The following EFCAB11 variants were observed in gnomAD, a reference collection of about 807,000 sequenced individuals.
The protein encoded by EFCAB11 is EF-hand calcium-binding domain-containing protein 11.
A neutral mutation model predicts 23.0 loss-of-function variants in EFCAB11; 14 were observed. The ratio of observed to expected loss-of-function variants is 0.61; its 90% confidence interval spans 0.40 to 0.95. The LOEUF (loss-of-function observed/expected upper bound fraction) is 0.95. EFCAB11 is among the 40% of genes least tolerant of loss of function. EFCAB11 has a pLI of 0.00. For synonymous variants in EFCAB11, 65 were observed against 66.6 expected (o/e 0.98, Z 0.11); for missense variants, 198 against 195.8 (o/e 1.01, Z -0.07).
At chr14:89,817,440 G>A (rs1374509337) in intron 5 of EFCAB11, among the ~76,000 whole-genome samples, 2 of 152,166 alleles carry the variant, frequency 1.3e-5, no homozygotes, top group African/African-American at 4.8e-5. Context: ...AGGATCACTT[G>A]AGCCCAGGAG....
chr14:89,931,409 A>G (rs186452828), intron 5 of EFCAB11, 132 bp downstream of exon 5: 78 of 811,074 alleles, frequency 9.6e-5, no homozygotes, highest in Non-Finnish European at 1.4e-4. Flanking sequence ...CTGGACCATG[A>G]CACTATGCTG....
chr14:89,940,839 T>C (rs1467346102), intron 3 of EFCAB11, among the ~76,000 whole-genome samples: 1 of 152,202 alleles, frequency 6.6e-6, no homozygotes, highest in African/African-American at 2.4e-5. Flanking sequence ...AGTGGGACAA[T>C]GCTCATTCAG....
chr14:89,909,123 C>T (rs1475225369), intron 5 of EFCAB11, among the ~76,000 whole-genome samples: 2 of 152,144 alleles, frequency 1.3e-5, no homozygotes, highest in Non-Finnish European at 2.9e-5. Context: ...TGAGATGAAC[C>T]CTCATGCTAA....
chr14:89,951,687 C>T (rs1793506103), intron 2 of EFCAB11, among the ~76,000 whole-genome samples: 1 of 151,190 alleles, frequency 6.6e-6, no homozygotes, highest in Non-Finnish European at 1.5e-5. Context: ...GTGGGCGGAT[C>T]ACTTGAGGTC....
rs568873135 is a variant in EFCAB11, at chr14:89,841,361, G to C, written c.411-44037C>G. ...ACTGCCTCCTTCCCATTGAGTGAAA[G>C]TAATCTCAACCTCCCTCTCTCCCCA... On this transcript the variant is annotated intron_variant, in intron 5 of 5. Coordinates refer to ENST00000316738, the MANE Select transcript of EFCAB11 (RefSeq NM_145231.4). Among the ~76,000 whole-genome samples the C allele has an allele frequency of 2.8e-4, 43 of 151,740 alleles. 1 individual carries two copies. The South Asian group carries it at 8.8e-3, about 31-fold the overall frequency.
chr14:89,943,046 G>A (rs1890845010), intron 3 of EFCAB11, among the ~76,000 whole-genome samples: 1 of 152,126 alleles, frequency 6.6e-6, no homozygotes, highest in African/African-American at 2.4e-5. Context: ...ATGTGAGTCT[G>A]ACCTTGCCCT....
chr14:89,937,517 A>C (rs887291125), intron 3 of EFCAB11, among the ~76,000 whole-genome samples: 3 of 151,960 alleles, frequency 2.0e-5, no homozygotes, highest in African/African-American at 7.2e-5. Flanking sequence ...GACTCTCTTC[A>C]TGTTCTATAA....
At chr14:89,864,132 C>T (rs568812833) in intron 5 of EFCAB11, among the ~76,000 whole-genome samples, 1 of 152,166 alleles carries the variant, frequency 6.6e-6, no homozygotes, top group African/African-American at 2.4e-5. Flanking sequence ...TTATGGAATT[C>T]CATCCCCAAC....
intron 5 of EFCAB11, among the ~76,000 whole-genome samples, chr14:89,834,375 CAAAAAAAAAAAAA>C (rs5810476): frequency 9.2e-5 from 3 of 32,436 alleles, no homozygotes; most frequent in East Asian, 1.2e-3. Context: ...GACTCCGTCT[CAAAAAAAAAAAAA>C]AAAAAAAAAA....
chr14:89,923,213 A>T (rs899982945), intron 5 of EFCAB11: 4 of 152,214 alleles, frequency 2.6e-5, no homozygotes, highest in Admixed American at 1.3e-4. Flanking sequence ...ATCAAAATCA[A>T]TTAAGAACCC....
intron 5 of EFCAB11, among the ~76,000 whole-genome samples, chr14:89,860,181 T>C (rs984404032): frequency 2.6e-5 from 4 of 152,178 alleles, no homozygotes; most frequent in Admixed American, 1.3e-4. Context: ...CTGGCCAACA[T>C]GGTAAAACTC....
At chr14:89,827,643 T>TC (rs1199395005) in intron 5 of EFCAB11, among the ~76,000 whole-genome samples, 1 of 149,238 alleles carries the variant, frequency 6.7e-6, no homozygotes, top group African/African-American at 2.5e-5. Flanking sequence ...TTTTTTTTTT[T>TC]TTTTTTTGAG....
intron 5 of EFCAB11, among the ~76,000 whole-genome samples, chr14:89,825,762 A>C (rs1886671454): frequency 6.6e-6 from 1 of 152,174 alleles, no homozygotes; most frequent in Admixed American, 6.6e-5. Context: ...GAAAGAGAGA[A>C]AGAGAGCGAG....
At chr14:89,910,186 C>T (rs193073513) in intron 5 of EFCAB11, among the ~76,000 whole-genome samples, 2 of 152,260 alleles carry the variant, frequency 1.3e-5, no homozygotes, top group South Asian at 2.1e-4. Context: ...AATAAAAGAG[C>T]ACAGGGAAAG....
At chr14:89,872,464 G>C (rs1426670111) in intron 5 of EFCAB11, among the ~76,000 whole-genome samples, 1 of 152,218 alleles carries the variant, frequency 6.6e-6, no homozygotes, top group Non-Finnish European at 1.5e-5. Flanking sequence ...GCTTTAAGCA[G>C]GGAGAGTACT....
intron 5 of EFCAB11, among the ~76,000 whole-genome samples, chr14:89,877,450 G>A (rs1888474606): frequency 6.6e-6 from 1 of 152,176 alleles, no homozygotes; most frequent in Non-Finnish European, 1.5e-5. Context: ...GATTACTACT[G>A]GGTATAAGAA....
In EFCAB11 at chr14:89,801,059, A is replaced by AAAAAAAAG. The variant is rs1555369622; in HGVS notation, c.411-3736_411-3735insCTTTTTTT. 2.1e-4 allele frequency among the ~76,000 whole-genome samples: 29 copies of AAAAAAAAG among 138,810 alleles called. 1 individual carries two copies. Among genetic ancestry groups the AAAAAAAAG allele is most frequent in the African/African-American group, 6.1e-4 (23 of 37,728 alleles). 91.1% of individuals were successfully genotyped at this position (138,810 alleles called of 152,430 possible). Reference sequence around the variant, plus strand: ...CAAAAAAGAAAAAAAAAAAAAAAAAAAGAAGTACTGCTCTGTATTACTTGG... The same window carrying AAAAAAAAG: ...CAAAAAAGAAAAAAAAAAAAAAAAAAAAAAAAAGAGAAGTACTGCTCTGTATTACTTGG... On this transcript the variant is annotated intron_variant, in intron 5 of 5. Coordinates refer to ENST00000316738, the MANE Select transcript of EFCAB11 (RefSeq NM_145231.4).
chr14:89,920,157 AG>A (rs1380145293), intron 5 of EFCAB11, among the ~76,000 whole-genome samples: 1 of 152,256 alleles, frequency 6.6e-6, no homozygotes, highest in Non-Finnish European at 1.5e-5. Context: ...GGTTCCTATC[AG>A]AGCAATCTGA....
intron 5 of EFCAB11, chr14:89,924,419 T>G (rs1011671285): frequency 1.5e-6 from 2 of 1,326,358 alleles, no homozygotes; most frequent in African/African-American, 1.5e-5. Flanking sequence ...TTATGCACAT[T>G]CACATTTCAT....
Sources: allele counts gnomAD v4.1 joint callset (sites outside exome capture counted in the v4.1 genomes callset), GRCh38; gene constraint gnomAD v4.1.1; transcripts MANE v1.5; gene names NCBI Gene and HGNC (gene_info 2026-07-23, HGNC 2026-07-21).